ERCC2: variants seen among roughly 807,000 people sequenced by gnomAD.
ERCC2 encodes the protein ERCC excision repair 2, TFIIH core complex helicase subunit.
A neutral mutation model predicts 99.4 loss-of-function variants in ERCC2; 90 were observed. The ratio of observed to expected loss-of-function variants is 0.91; its 90% CI spans 0.76 to 1.08. ERCC2 has a LOEUF of 1.08. Among genes scored for constraint, ERCC2 ranks in the 50% least tolerant of loss-of-function variants. The pLI is 0.00. For synonymous variants in ERCC2, 497 were observed against 432.4 expected (o/e 1.15, Z -1.85); for missense variants, 993 against 1,038.1 (o/e 0.96, Z 0.60).
intron 7 of ERCC2, 131 bp downstream of exon 7, chr19:45,364,707 G>A: frequency 1.6e-6 from 2 of 1,270,006 alleles, no homozygotes; most frequent in Non-Finnish European, 2.3e-6. Flanking sequence ...ACAGATACGG[G>A]CACCCACCAA....
In ERCC2 at chr19:45,351,724, G is replaced by C. The variant is rs748611039; in HGVS notation, c.2191-3C>G. On this transcript the variant is annotated splice_region_variant and splice_polypyrimidine_tract_variant and intron_variant, in intron 22 of 22. Transcript: ENST00000391945. ...AGGGACAGGCCCAGCTGATCCTCCT[G>C]CAGAGAACAGAGGAAAGGGAGAGGG... 6.2e-7 allele frequency: 1 copy of C among 1,613,658 alleles called. No individual in the cohort carries two copies. The highest frequency in any genetic ancestry group is 8.5e-7 in the Non-Finnish European group (1 of 1,179,886).
chr19:45,361,495 C>A (rs1972217572), intron 12 of ERCC2, 29 bp downstream of exon 12: 1 of 1,517,438 alleles, frequency 6.6e-7, no homozygotes, highest in Admixed American at 1.7e-5. Flanking sequence ...GCTAGGAGGC[C>A]CAGCAGGGAC....
rs776046248 is a variant in ERCC2 at position 45,361,518 on chromosome 19, G to A, written c.1237+6C>T. 5 of 1,604,062 alleles carry A rather than the reference G, an allele frequency of 3.1e-6. No homozygotes were observed. Among genetic ancestry groups the A allele is most frequent in the Non-Finnish European group, 4.3e-6 (5 of 1,171,048 alleles). On this transcript the variant is annotated splice_donor_region_variant and intron_variant, in intron 12 of 22. Transcript: ENST00000391945. ...GCCCAGCAGGGACAGAAAAAGGTGA[G>A]CTTACCTTTGGCGTAGGTGCTGACA...
intron 11 of ERCC2, among the ~76,000 whole-genome samples, chr19:45,362,917 C>T (rs1972275405): frequency 6.6e-6 from 1 of 152,170 alleles, no homozygotes; most frequent in Admixed American, 6.5e-5. Flanking sequence ...GTCCCAGTGT[C>T]CTCATTTGCA....
chr19:45,350,785 A>T lies in ERCC2; in HGVS notation c.*844T>A. 1 of 1,565,496 alleles carries T rather than the reference A, an allele frequency of 6.4e-7. No homozygotes were observed. The highest frequency in any genetic ancestry group is 1.2e-5 in the South Asian group (1 of 86,720). On this transcript the variant is annotated 3_prime_UTR_variant, in exon 23 of 23. Transcript: ENST00000391945. ...CAGGTCGGCAAAGAGCCCTGACATCAGCAGAATCCACAGCCCACCCCACCC... is the reference window on the plus strand; with the variant it reads ...CAGGTCGGCAAAGAGCCCTGACATCTGCAGAATCCACAGCCCACCCCACCC...
Position 45,350,705 on chromosome 19 carries a change from T to C in ERCC2, c.*924A>G. On this transcript the variant is annotated 3_prime_UTR_variant, in exon 23 of 23. Coordinates refer to ENST00000391945, the MANE Select transcript of ERCC2 (RefSeq NM_000400.4). ...TCTATCAGGCGAGGAAGTGAGAAGC[T>C]GGTCTCCCGGCTCCGAGGCGAGGCG... The C allele has an allele frequency of 6.2e-7, 1 of 1,613,664 alleles. No individual in the cohort carries two copies. The highest frequency in any genetic ancestry group is 1.1e-5 in the South Asian group (1 of 91,006).
chr19:45,351,266 T>C lies in ERCC2; in HGVS notation c.*363A>G, dbSNP rs1303052898. 1.9e-6 allele frequency: 3 copies of C among 1,610,740 alleles called. No homozygotes were observed. The highest frequency in any genetic ancestry group is 1.3e-5 in the African/African-American group (1 of 74,934). On this transcript the variant is annotated 3_prime_UTR_variant, in exon 23 of 23. Coordinates refer to ENST00000391945, the MANE Select transcript of ERCC2 (RefSeq NM_000400.4). ...TTGCCCCTCACCTCCCCTCCAACCATCCCCTGTGCCTGTCTCCAGTTTCCC... is the reference window on the plus strand; with the variant it reads ...TTGCCCCTCACCTCCCCTCCAACCACCCCCTGTGCCTGTCTCCAGTTTCCC...
Position 45,351,171 on chromosome 19 carries a change from G to C in ERCC2, c.*458C>G. 19 of 1,585,474 alleles carry C rather than the reference G, an allele frequency of 1.2e-5. No homozygotes were observed. Among genetic ancestry groups the C allele is most frequent in the Non-Finnish European group, 1.6e-5 (19 of 1,165,270 alleles). On this transcript the variant is annotated 3_prime_UTR_variant, in exon 23 of 23. Coordinates refer to ENST00000391945, the MANE Select transcript of ERCC2 (RefSeq NM_000400.4). ...ACAGGAGCAAAGATGGGTTTTACTT[G>C]GGGTAGAGGCGAGGGGGTTGGATAG...
intron 11 of ERCC2, among the ~76,000 whole-genome samples, chr19:45,363,043 C>A (rs1450314782): frequency 1.3e-5 from 2 of 152,144 alleles, no homozygotes; most frequent in East Asian, 3.9e-4. Context: ...CATTAACCCA[C>A]CAAAGAACCC....
Position 45,363,893 on chromosome 19 carries a change from A to G in ERCC2, c.968T>C (p.Ile323Thr), listed in dbSNP as rs1165852088. 1 of 1,548,604 alleles carries G rather than the reference A, an allele frequency of 6.5e-7. No homozygotes were observed. Among genetic ancestry groups the G allele is most frequent in the Non-Finnish European group, 8.7e-7 (1 of 1,153,924 alleles). Residue 323 changes from isoleucine (I) to threonine (T), a missense_variant, in exon 11 of 23, where the codon ATC becomes ACC. This residue lies in a region of ERCC2 where 909 missense variants were observed against 930.8 expected (regional missense o/e 0.98). Coordinates refer to ENST00000391945, the MANE Select transcript of ERCC2 (RefSeq NM_000400.4). ...EVLQEAVPGS[I>T]RTAEHFLGFL... The stretch of plus-strand genomic sequence containing the variant: ...GCCCAGGAAATGCTCGGCCGTGCGG[A>G]TGGAGCCAGGCACTGCCTCTGCGAG...
chr19:45,358,992 C>T, intron 12 of ERCC2: 1 of 684,228 alleles, frequency 1.5e-6, no homozygotes, highest in Admixed American at 2.2e-5. Context: ...GTCCTCTGTG[C>T]TGGGGACACA....
chr19:45,351,251 C>G lies in ERCC2; in HGVS notation c.*378G>C. On this transcript the variant is annotated 3_prime_UTR_variant, in exon 23 of 23. Coordinates refer to ENST00000391945, the MANE Select transcript of ERCC2 (RefSeq NM_000400.4). ...GGGTGGATGTAACACTTGCCCCTCA[C>G]CTCCCCTCCAACCATCCCCTGTGCC... 6.6e-7 allele frequency: 1 copy of G among 1,520,216 alleles called. No homozygotes were observed. Among genetic ancestry groups the G allele is most frequent in the Non-Finnish European group, 8.9e-7 (1 of 1,129,308 alleles). The allele number at this position is 1,520,216 out of a possible 1,614,324, so 94.2% of individuals were successfully genotyped here.
In ERCC2 at chr19:45,357,360, C is replaced by T. The variant is rs773585168; in HGVS notation, c.1389G>A (p.Pro463=). ...CCAGGATCTTGGGGTAGATGTCCAG[C>T]GGGGACAGTGTCTGTGGCGGGACAG... is the stretch of plus-strand genomic sequence containing the variant. The part of the protein sequence containing the change: ...SVIITSGTLS[P]LDIYPKILDF... The change falls in exon 15 of 23, where the codon CCG becomes CCA. Residue 463 remains proline (P), a synonymous_variant. Coordinates refer to ENST00000391945, the MANE Select transcript of ERCC2 (RefSeq NM_000400.4). 4.1e-5 allele frequency: 66 copies of T among 1,613,698 alleles called. No individual in the cohort carries two copies. The highest frequency in any genetic ancestry group is 5.0e-5 in the Admixed American group (3 of 59,988).
chr19:45,350,007 G>A lies in ERCC2; in HGVS notation c.*1622C>T, dbSNP rs1415529868. 1 of 445,102 alleles carries A rather than the reference G, an allele frequency of 2.2e-6. No homozygotes were observed. The highest frequency in any genetic ancestry group is 3.9e-5 in the East Asian group (1 of 25,544). 27.6% of individuals were successfully genotyped at this position (445,102 alleles called of 1,614,324 possible). Reference sequence around the variant, plus strand: ...CCACCAGCCCAAAGTACAGCAGACAGGCTCAGAAACAGGAGGCTGCCTGTC... The same window carrying A: ...CCACCAGCCCAAAGTACAGCAGACAAGCTCAGAAACAGGAGGCTGCCTGTC... On this transcript the variant is annotated 3_prime_UTR_variant, in exon 23 of 23. Coordinates refer to ENST00000391945, the MANE Select transcript of ERCC2 (RefSeq NM_000400.4).
Position 45,357,508 on chromosome 19 carries a change from A to G in ERCC2, c.1343T>C (p.Phe448Ser), listed in dbSNP as rs41559922. 7.4e-6 allele frequency: 12 copies of G among 1,614,052 alleles called. No individual in the cohort carries two copies. Among genetic ancestry groups the G allele is most frequent in the Non-Finnish European group, 1.0e-5 (12 of 1,180,020 alleles). ...GATGATGACAGACTGGAAACGCTCA[A>G]ATACGGGTTTGATGGCCAGCGAGGC... ...MDASLAIKPVFERFQSVIITS... is the reference protein window; with the variant it reads ...MDASLAIKPVSERFQSVIITS... Residue 448 changes from phenylalanine (F) to serine (S), a missense_variant, in exon 14 of 23, where the codon TTT becomes TCT. This residue lies in a region of ERCC2 where 909 missense variants were observed against 930.8 expected (regional missense o/e 0.98). Transcript: ENST00000391945.
chr19:45,352,211 G>T lies in ERCC2; in HGVS notation c.2188C>A (p.Arg730=), dbSNP rs767253793. 6.2e-7 allele frequency: 1 copy of T among 1,613,640 alleles called. No individual in the cohort carries two copies. Among genetic ancestry groups the T allele is most frequent in the Non-Finnish European group, 8.5e-7 (1 of 1,179,932 alleles). The part of the protein sequence containing the change: ...FLRQMAQPFH[R]EDQLGLSLLS... The stretch of plus-strand genomic sequence containing the variant: ...CGGGAGGGGGACGCAGGCCTCACCC[G>T]GTGGAAGGGCTGTGCCATCTGCCGC... Residue 730 remains arginine, a splice_region_variant and synonymous_variant, in exon 22 of 23, where the codon CGG becomes AGG. Coordinates refer to ENST00000391945, the MANE Select transcript of ERCC2 (RefSeq NM_000400.4).
chr19:45,350,446 C>G lies in ERCC2; in HGVS notation c.*1183G>C. On this transcript the variant is annotated 3_prime_UTR_variant, in exon 23 of 23. Transcript: ENST00000391945. Reference sequence around the variant, plus strand: ...CGCCCCTCTCGGTGAGCCCCTAGCCCCTGTCTGTCTTCCCTCCTGGTGGCT... The same window carrying G: ...CGCCCCTCTCGGTGAGCCCCTAGCCGCTGTCTGTCTTCCCTCCTGGTGGCT... 1 of 1,613,320 alleles carries G rather than the reference C, an allele frequency of 6.2e-7. No homozygotes were observed. Among genetic ancestry groups the G allele is most frequent in the South Asian group, 1.1e-5 (1 of 91,012 alleles).
rs1972222341 is a variant in ERCC2 at position 45,361,600 on chromosome 19, C to T, written c.1161G>A (p.Glu387=). ...GGGAGAAGTCAGCAAGGTCGGTGAT[C>T]TCCAGAGTATGCAGCAGGGACCGGA... ...ERLRSLLHTL[E]ITDLADFSPL... The change falls in exon 12 of 23, where the codon GAG becomes GAA. Residue 387 remains glutamate, a synonymous_variant. Coordinates refer to ENST00000391945, the MANE Select transcript of ERCC2 (RefSeq NM_000400.4). 8 of 1,614,032 alleles carry T rather than the reference C, an allele frequency of 5.0e-6. No homozygotes were observed. Among genetic ancestry groups the T allele is most frequent in the Non-Finnish European group, 6.8e-6 (8 of 1,179,920 alleles).
intron 15 of ERCC2, among the ~76,000 whole-genome samples, chr19:45,356,534 G>A (rs972239694): frequency 3.9e-5 from 6 of 152,166 alleles, no homozygotes; most frequent in African/African-American, 1.4e-4. Context: ...AAATGGCTGC[G>A]CGCAGTGGCT....
Sources: gnomAD v4.1 joint callset for allele counts (sites outside exome capture counted in the v4.1 genomes callset) on GRCh38, gnomAD v4.1.1 for gene constraint, gnomAD v4.1.1 regional missense constraint, MANE v1.5 for transcripts, NCBI Gene and HGNC (gene_info 2026-07-23, HGNC 2026-07-21) for gene names.